Variants in C4orf50 observed in about 807,000 individuals in gnomAD.
The protein encoded by C4orf50 is uncharacterized protein C4orf50.
Under a neutral mutation model 77.2 loss-of-function variants are expected in C4orf50, and 80 were observed. The ratio of observed to expected loss-of-function variants is 1.04; its 90% CI spans 0.87 to 1.25. C4orf50 has a LOEUF of 1.25. Among genes scored for constraint, C4orf50 ranks in the 50% most tolerant of loss-of-function variants. The pLI, the probability that C4orf50 is intolerant of heterozygous loss-of-function variation, is 0.00. For missense variants in C4orf50, 1,257 were observed against 1,152.9 expected (o/e 1.09, Z -1.31); for synonymous variants, 532 against 465.3 (o/e 1.14, Z -1.84).
At chr4:5,948,392 T>C (rs1718573701) in intron 7 of C4orf50, among the ~76,000 whole-genome samples, 1 of 152,176 alleles carries the variant, frequency 6.6e-6, no homozygotes, top group African/African-American at 2.4e-5. Context: ...GGGCTGGGCG[T>C]GGTGGCTTAC....
rs1022481678 is a variant in C4orf50 at position 6,017,428 on chromosome 4, G to A, written c.287+717C>T. 6.6e-6 allele frequency among the ~76,000 whole-genome samples: 1 copy of A among 152,238 alleles called. No individual in the cohort carries two copies. Among genetic ancestry groups the A allele is most frequent in the Non-Finnish European group, 1.5e-5 (1 of 68,038 alleles). ...GAACAAGAGTGACTTTATTTTAAAC[G>A]CTAATCCAGCAGGTGACTCTTGACT... On this transcript the variant is annotated intron_variant, in intron 23 of 33. Coordinates refer to ENST00000531445, the Ensembl canonical transcript of C4orf50. This position sits in a 1 kb window ranked among gnomAD's most constrained non-coding sequence, Gnocchi z 4.7.
intron 33 of C4orf50, among the ~76,000 whole-genome samples, chr4:5,962,528 C>A (rs1035328876): frequency 2.6e-5 from 4 of 152,248 alleles, no homozygotes; most frequent in Admixed American, 2.6e-4. Context: ...ACACTGAGCT[C>A]CAGATTGGAA....
At chr4:5,946,755 T>A (rs1012978978) in intron 7 of C4orf50, among the ~76,000 whole-genome samples, 1 of 152,268 alleles carries the variant, frequency 6.6e-6, no homozygotes, top group Non-Finnish European at 1.5e-5. Context: ...CAGGACACAG[T>A]AGCAGGGACA....
In C4orf50 at chr4:6,017,854, G is replaced by C. The variant is rs1463311758; in HGVS notation, c.287+291C>G. ...TGGAACAGTCACCCAGAGAAGAAGAGAGGGAGAACACCTGGCTTCTCCCTG... is the reference window on the plus strand; with the variant it reads ...TGGAACAGTCACCCAGAGAAGAAGACAGGGAGAACACCTGGCTTCTCCCTG... On this transcript the variant is annotated intron_variant, in intron 23 of 33. Transcript: ENST00000531445. This position sits in a 1 kb window ranked among gnomAD's most constrained non-coding sequence, Gnocchi z 4.7. Among the ~76,000 whole-genome samples the C allele has an allele frequency of 6.6e-6, 1 of 152,200 alleles. No homozygotes were observed. The highest frequency in any genetic ancestry group is 1.5e-5 in the Non-Finnish European group (1 of 68,040).
intron 31 of C4orf50, 89 bp from the exon 10 acceptor site, chr4:5,967,551 A>C: frequency 8.1e-7 from 1 of 1,231,234 alleles, no homozygotes; most frequent in Non-Finnish European, 1.2e-6. Context: ...AAGCAGGGCC[A>C]TCACCCCTCC....
At chr4:5,989,712 A>C (rs1721143186) in exon 28 of C4orf50, 1 of 1,535,952 alleles carries the variant, frequency 6.5e-7, no homozygotes, top group Non-Finnish European at 8.7e-7. Context: ...CGGCCCCTTC[A>C]ACTGATAAGG....
chr4:6,004,616 G>A (rs1201313785), intron 25 of C4orf50, among the ~76,000 whole-genome samples: 7 of 126,520 alleles, frequency 5.5e-5, no homozygotes, highest in Admixed American at 7.9e-5. Flanking sequence ...TGATGTGGTG[G>A]TGATGGTGAT....
intron 7 of C4orf50, among the ~76,000 whole-genome samples, chr4:5,918,718 T>C (rs1051993283): frequency 6.6e-6 from 1 of 152,202 alleles, no homozygotes; most frequent in African/African-American, 2.4e-5. Flanking sequence ...TGATGACCTC[T>C]CTCCGCCCTT....
At chr4:5,986,404 T>C (rs375094348) in intron 28 of C4orf50, among the ~76,000 whole-genome samples, 1 of 151,380 alleles carries the variant, frequency 6.6e-6, no homozygotes, top group Admixed American at 6.6e-5. Context: ...AATAACCCAA[T>C]GGGTCAAAGA....
At chr4:5,988,356 A>G (rs758066821) in exon 28 of C4orf50, 12 of 1,613,800 alleles carry the variant, frequency 7.4e-6, no homozygotes, top group Admixed American at 1.7e-5. Flanking sequence ...CCATGGGGCC[A>G]TTGCTCAGGG....
chr4:5,980,245 T>C (rs1402988771), exon 29 of C4orf50: 1 of 1,612,658 alleles, frequency 6.2e-7, no homozygotes, highest in South Asian at 1.1e-5. Flanking sequence ...CCCTGGTCCC[T>C]GAGCTGGCAC....
chr4:5,964,536 G>C (rs529739213), intron 33 of C4orf50, among the ~76,000 whole-genome samples: 1 of 152,068 alleles, frequency 6.6e-6, no homozygotes, highest in African/African-American at 2.4e-5. Flanking sequence ...TTGGGAGGTC[G>C]AGGTGGGTGG....
chr4:5,937,757 C>G (rs1183596064), intron 7 of C4orf50, among the ~76,000 whole-genome samples: 1 of 152,094 alleles, frequency 6.6e-6, no homozygotes, highest in Non-Finnish European at 1.5e-5. Context: ...CAAGCAAATA[C>G]TAGCCCAAGA....
At chr4:5,935,254 G>A (rs560260071) in intron 7 of C4orf50, among the ~76,000 whole-genome samples, 187 of 152,308 alleles carry the variant, frequency 1.2e-3, no homozygotes, top group African/African-American at 3.7e-3. Context: ...CGACATGGAC[G>A]CAGACAGAGT....
At chr4:5,945,166 C>T (rs1021271920) in intron 7 of C4orf50, among the ~76,000 whole-genome samples, 12 of 152,174 alleles carry the variant, frequency 7.9e-5, no homozygotes, top group African/African-American at 1.9e-4. Context: ...CCAGGTCCTC[C>T]GAGCCCCCCA....
chr4:6,016,903 CA>C (rs1322132502), intron 23 of C4orf50, among the ~76,000 whole-genome samples: 1 of 152,172 alleles, frequency 6.6e-6, no homozygotes, highest in African/African-American at 2.4e-5. Context: ...GGAAGTCCCG[CA>C]AAAATCCAAG....
chr4:5,993,530 G>T (rs1721408553), intron 26 of C4orf50, among the ~76,000 whole-genome samples: 1 of 152,204 alleles, frequency 6.6e-6, no homozygotes, highest in African/African-American at 2.4e-5. Context: ...TGAGATATGG[G>T]CTCAAGCCGG....
chr4:5,906,811 C>T (rs763852175), intron 7 of C4orf50, among the ~76,000 whole-genome samples: 28 of 152,284 alleles, frequency 1.8e-4, no homozygotes, highest in African/African-American at 6.7e-4. Context: ...TGTAGGTACA[C>T]AGCTTCAAAT....
At chr4:5,974,996 C>T (rs1720169045) in intron 30 of C4orf50, among the ~76,000 whole-genome samples, 1 of 151,674 alleles carries the variant, frequency 6.6e-6, no homozygotes, top group African/African-American at 2.4e-5. Context: ...AAAAATTAGC[C>T]AAGTGTGGTG....
Sources: allele counts gnomAD v4.1 joint callset (sites outside exome capture counted in the v4.1 genomes callset), GRCh38; gene constraint gnomAD v4.1.1; non-coding constraint Gnocchi (gnomAD v3.1); transcripts MANE v1.5; gene names NCBI Gene and HGNC (gene_info 2026-07-23, HGNC 2026-07-21).